Variants in DHX16 observed in about 807,000 individuals in gnomAD.
The protein encoded by DHX16 is pre-mRNA-splicing factor ATP-dependent RNA helicase DHX16.
A neutral mutation model predicts 131.2 loss-of-function variants in DHX16; 81 were observed. The ratio of observed to expected loss-of-function variants is 0.62; its 90% CI spans 0.52 to 0.74. The LOEUF (loss-of-function observed/expected upper bound fraction) is 0.74, where lower values mean the gene tolerates loss of function less well. Among genes scored for constraint, DHX16 ranks in the 30% least tolerant of loss-of-function variants. The pLI is 0.00. For missense variants in DHX16, 980 were observed against 1,363.1 expected, an observed-to-expected ratio of 0.72 and a Z score of 4.43; for synonymous variants, 440 against 520.2, an observed-to-expected ratio of 0.85 and a Z score of 2.10.
intron 9 of DHX16, chr6:30,661,645 G>A: frequency 1.5e-6 from 1 of 676,928 alleles, no homozygotes; most frequent in Non-Finnish European, 2.7e-6. Context: ...TTATGTGCAT[G>A]ACACCTTCTT....
At chr6:30,659,095 C>A (rs1417378374) in intron 12 of DHX16, among the ~76,000 whole-genome samples, 1 of 152,144 alleles carries the variant, frequency 6.6e-6, no homozygotes, top group Non-Finnish European at 1.5e-5. Context: ...CCACGTTAGG[C>A]AGCCTGGTTT....
intron 19 of DHX16, among the ~76,000 whole-genome samples, chr6:30,654,405 C>T (rs1253635258): frequency 6.6e-6 from 1 of 152,090 alleles, no homozygotes; most frequent in Non-Finnish European, 1.5e-5. Flanking sequence ...CAAAAATTAG[C>T]CAGGCCTGGA....
In DHX16 at chr6:30,670,099, T is replaced by C. The variant is rs768282332; in HGVS notation, c.666+311A>G. On this transcript the variant is annotated intron_variant, in intron 4 of 19. Transcript: ENST00000376442. The surrounding 1 kb of genome is among the most constrained non-coding windows in gnomAD (Gnocchi z 4.4). ...TTGACAACATTCCAGCTGCCTCATA[T>C]CTCATTAGGACTCAGGAATAGGGAA... Among the ~76,000 whole-genome samples the C allele has an allele frequency of 2.6e-5, 4 of 152,170 alleles. No homozygotes were observed. Among genetic ancestry groups the C allele is most frequent in the African/African-American group, 2.4e-5 (1 of 41,432 alleles).
At position 30,660,112 on chromosome 6, in the gene DHX16, G is replaced by T. The variant is rs771594572; in HGVS notation, c.1675C>A (p.Arg559Ser). ...GCGTCATCAAAGAAGGTGGAAAAACGGGCAGTGTCCATTGTGGCTGAAGCC... is the reference window on the plus strand; with the variant it reads ...GCGTCATCAAAGAAGGTGGAAAAACTGGCAGTGTCCATTGTGGCTGAAGCC... The part of the protein sequence containing the change: ...LVASATMDTA[R>S]FSTFFDDAPV... The change falls in exon 10 of 20, where the codon CGT becomes AGT. Residue 559 changes from arginine to serine, a missense_variant. By Grantham distance (110) the Arg-to-Ser change is moderately radical. Transcript: ENST00000376442. 1.1e-5 allele frequency: 18 copies of T among 1,612,410 alleles called. No individual in the cohort carries two copies. The highest frequency in any genetic ancestry group is 1.5e-5 in the Non-Finnish European group (18 of 1,179,728).
In DHX16 at chr6:30,660,291, G is replaced by GT. The variant is rs9281015; in HGVS notation, c.1545-50dup. 11,213 of 1,432,516 alleles carry GT rather than the reference G, an allele frequency of 7.8e-3. 52 individuals carry two copies. Among genetic ancestry groups the GT allele is most frequent in the Non-Finnish European group, 9.1e-3 (9,775 of 1,069,076 alleles). 88.7% of individuals were successfully genotyped at this position (1,432,516 alleles called of 1,614,324 possible). On this transcript the variant is annotated intron_variant, in intron 9 of 19. Coordinates refer to ENST00000376442, the MANE Select transcript of DHX16 (RefSeq NM_003587.5). ...TGAGGGAAGAGCGCTAGGCAATGCA[G>GT]TATCAGACACCAGAGTTAACTGGAT...
At chr6:30,658,789 C>G (rs56283562) in intron 12 of DHX16, among the ~76,000 whole-genome samples, 1 of 152,102 alleles carries the variant, frequency 6.6e-6, no homozygotes, top group African/African-American at 2.4e-5. Context: ...TTGTTTTTAG[C>G]CTTGTCTCCT....
In DHX16 at chr6:30,663,861, C is replaced by G. The variant is rs772372680; in HGVS notation, c.1318-840G>C. On this transcript the variant is annotated intron_variant, in intron 7 of 19. Coordinates refer to ENST00000376442, the MANE Select transcript of DHX16 (RefSeq NM_003587.5). Reference sequence around the variant, plus strand: ...CCAACATGGTGAAACCCCATCTCTACTAAAAATACAAAAATTAGCTGGGTG... The same window carrying G: ...CCAACATGGTGAAACCCCATCTCTAGTAAAAATACAAAAATTAGCTGGGTG... Among the ~76,000 whole-genome samples the G allele has an allele frequency of 3.3e-5, 5 of 151,018 alleles. No homozygotes were observed. In the East Asian group the frequency reaches 9.8e-4, roughly 30 times the overall value.
In DHX16 at chr6:30,665,296, G is replaced by A; in HGVS notation, c.922-22C>T. On this transcript the variant is annotated intron_variant, in intron 5 of 19. Coordinates refer to ENST00000376442, the MANE Select transcript of DHX16 (RefSeq NM_003587.5). The surrounding 1 kb of genome is among the most constrained non-coding windows in gnomAD (Gnocchi z 4.8). ...CTGGCTACAGAGAGAGGGGATATGT[G>A]AAGACTCAAAAACAGGATGTCCTCT... 6.3e-7 allele frequency: 1 copy of A among 1,599,356 alleles called. No homozygotes were observed. Among genetic ancestry groups the A allele is most frequent in the South Asian group, 1.1e-5 (1 of 90,722 alleles).
chr6:30,668,659 C>T (rs1056171165), intron 4 of DHX16, among the ~76,000 whole-genome samples: 6 of 151,060 alleles, frequency 4.0e-5, no homozygotes, highest in African/African-American at 1.5e-4. Context: ...TCAAAAAAAA[C>T]CCGAAAAATT....
chr6:30,668,178 C>T (rs575649664), intron 4 of DHX16, among the ~76,000 whole-genome samples: 5 of 152,160 alleles, frequency 3.3e-5, no homozygotes, highest in South Asian at 4.1e-4. Flanking sequence ...AGAGATAAAA[C>T]GCCATGATGT....
chr6:30,656,468 G>T lies in DHX16; in HGVS notation c.2353C>A (p.Pro785Thr). 6.2e-7 allele frequency: 1 copy of T among 1,614,202 alleles called. No individual in the cohort carries two copies. Among genetic ancestry groups the T allele is most frequent in the Non-Finnish European group, 8.5e-7 (1 of 1,180,030 alleles). The change falls in exon 15 of 20, where the codon CCA (proline) becomes ACA (threonine). Residue 785 changes from proline (P) to threonine (T), a missense_variant. By Grantham distance (38) the Pro-to-Thr change is conservative. Around this residue, in one of 3 missense-constraint regions of DHX16, gnomAD observed 309 missense variants for 537.1 expected, o/e 0.58. Transcript: ENST00000376442. The surrounding 1 kb of genome is among the most constrained non-coding windows in gnomAD (Gnocchi z 5.1). The stretch of plus-strand genomic sequence containing the variant: ...AAAGCCAGCAGCAGTGTCTCATATG[G>T]TGGAGGGTCCAGGAAATCAAAGTGC... ...LMHFDFLDPP[P>T]YETLLLALEQ... is the part of the protein sequence containing the mutation.
rs768277598 is a variant in DHX16 at position 30,672,644 on chromosome 6, G to C, written c.198C>G (p.Leu66=). The change falls in exon 1 of 20, where the codon CTC becomes CTG. Residue 66 remains leucine, a synonymous_variant. Transcript: ENST00000376442. The part of the protein sequence containing the change: ...SGPARDFALR[L]WNKVPRKAVV... ...CCACCCCTGCCGACACCTTGTTCCA[G>C]AGTCTCAGGGCGAAGTCCCGGGCCG... 1.9e-6 allele frequency: 3 copies of C among 1,610,072 alleles called. No homozygotes were observed. Among genetic ancestry groups the C allele is most frequent in the Non-Finnish European group, 2.5e-6 (3 of 1,177,540 alleles).
In DHX16 at chr6:30,662,928, C is replaced by T. The variant is rs780324766; in HGVS notation, c.1411G>A (p.Val471Met). 1 of 1,613,260 alleles carries T rather than the reference C, an allele frequency of 6.2e-7. No individual in the cohort carries two copies. The highest frequency in any genetic ancestry group is 1.7e-5 in the Admixed American group (1 of 60,030). Reference sequence around the variant, plus strand: ...AATCTCACCTCATTCCCAAGCTTCACACCCATCTCCCGGGCCACTCGGGCG... The same window carrying T: ...AATCTCACCTCATTCCCAAGCTTCATACCCATCTCCCGGGCCACTCGGGCG... ...VAARVAREMG[V>M]KLGNEVGYSI... The change falls in exon 8 of 20, where the codon GTG becomes ATG. Residue 471 changes from valine to methionine, a missense_variant. Val to Met is a conservative substitution (Grantham distance 21). Around this residue, in one of 3 missense-constraint regions of DHX16, gnomAD observed 309 missense variants for 537.1 expected, o/e 0.58. Transcript: ENST00000376442. The surrounding 1 kb of genome is among the most constrained non-coding windows in gnomAD (Gnocchi z 4.7).
At chr6:30,654,977 A>C in intron 18 of DHX16, 98 bp from the exon 19 acceptor site, 2 of 1,442,052 alleles carry the variant, frequency 1.4e-6, no homozygotes, top group Non-Finnish European at 1.9e-6. Flanking sequence ...GGAAAACTAG[A>C]GAGGTAAGGA....
rs1769411741 is a variant in DHX16 at position 30,670,320 on chromosome 6, G to A, written c.666+90C>T. 2.2e-6 allele frequency: 3 copies of A among 1,337,996 alleles called. No homozygotes were observed. Among genetic ancestry groups the A allele is most frequent in the Non-Finnish European group, 1.0e-6 (1 of 973,634 alleles). The allele number at this position is 1,337,996 out of a possible 1,614,324, so 82.9% of individuals were successfully genotyped here. A position where few individuals can be genotyped will look rare whatever the true frequency, so the allele number is the denominator to read the frequency against. On this transcript the variant is annotated intron_variant, in intron 4 of 19. Coordinates refer to ENST00000376442, the MANE Select transcript of DHX16 (RefSeq NM_003587.5). This position sits in a 1 kb window ranked among gnomAD's most constrained non-coding sequence, Gnocchi z 4.4. ...ACCACCCCATCAGCATCCACACTGT[G>A]CTTCCTCTGTATCCTCTCTCCCTAT...
intron 7 of DHX16, 37 bp downstream of exon 7, chr6:30,664,763 CA>C: frequency 7.6e-6 from 12 of 1,575,254 alleles, no homozygotes; most frequent in Non-Finnish European, 1.0e-5. Flanking sequence ...ACATTGATGC[CA>C]GGTGCCCTGG....
In DHX16 at chr6:30,662,166, A is replaced by C. The variant is rs917722454; in HGVS notation, c.1544+461T>G. 6.6e-6 allele frequency among the ~76,000 whole-genome samples: 1 copy of C among 151,442 alleles called. No individual in the cohort carries two copies. The highest frequency in any genetic ancestry group is 6.6e-5 in the Admixed American group (1 of 15,196). ...CACTCTGACAGGCCCTGCAATCTCC[A>C]CCACTCTGAGGGTTACTCAGCCATT... On this transcript the variant is annotated intron_variant, in intron 9 of 19. Coordinates refer to ENST00000376442, the MANE Select transcript of DHX16 (RefSeq NM_003587.5). The surrounding 1 kb of genome is among the most constrained non-coding windows in gnomAD (Gnocchi z 4.7).
chr6:30,670,339 T>C lies in DHX16; in HGVS notation c.666+71A>G, dbSNP rs1664483263. 6.8e-7 allele frequency: 1 copy of C among 1,460,324 alleles called. No individual in the cohort carries two copies. Among genetic ancestry groups the C allele is most frequent in the Non-Finnish European group, 9.3e-7 (1 of 1,069,530 alleles). 90.5% of individuals were successfully genotyped at this position (1,460,324 alleles called of 1,614,324 possible). A position where few individuals can be genotyped will look rare whatever the true frequency, so the allele number is the denominator to read the frequency against. On this transcript the variant is annotated intron_variant, in intron 4 of 19. Coordinates refer to ENST00000376442, the MANE Select transcript of DHX16 (RefSeq NM_003587.5). This position sits in a 1 kb window ranked among gnomAD's most constrained non-coding sequence, Gnocchi z 4.4. The stretch of plus-strand genomic sequence containing the variant: ...CACTGTGCTTCCTCTGTATCCTCTC[T>C]CCCTATACACTCTATCAGAAAGTCT...
Position 30,659,583 on chromosome 6 carries a change from G to A in DHX16, c.1896C>T (p.Cys632=). The A allele has an allele frequency of 1.9e-6, 3 of 1,613,578 alleles. No homozygotes were observed. The highest frequency in any genetic ancestry group is 2.5e-6 in the Non-Finnish European group (3 of 1,179,998). The change falls in exon 12 of 20, where the codon TGC becomes TGT. Residue 632 remains cysteine, a synonymous_variant. Transcript: ENST00000376442. ...CCCGGATTTTGGAGCCCAGGCGGCGGCAGCGATCCTGGAGCATCTCACAGG... is the reference window on the plus strand; with the variant it reads ...CCCGGATTTTGGAGCCCAGGCGGCGACAGCGATCCTGGAGCATCTCACAGG... ...EAACEMLQDR[C]RRLGSKIREL...
Sources: allele counts gnomAD v4.1 joint callset (sites outside exome capture counted in the v4.1 genomes callset), GRCh38; gene constraint gnomAD v4.1.1; regional missense constraint gnomAD v4.1.1; non-coding constraint Gnocchi (gnomAD v3.1); transcripts MANE v1.5; gene names NCBI Gene and HGNC (gene_info 2026-07-23, HGNC 2026-07-21).